LHFPL3: variants seen among roughly 807,000 people sequenced by gnomAD.
LHFPL3 encodes LHFPL tetraspan subfamily member 3, also known as LHFPL tetraspan subfamily member 3 protein.
A neutral mutation model predicts 19.3 loss-of-function variants in LHFPL3; 5 were observed. That is an observed-to-expected ratio of 0.26 (90% confidence interval 0.14 to 0.54). LHFPL3 has a LOEUF of 0.54. Among genes scored for constraint, LHFPL3 ranks in the 20% least tolerant of loss-of-function variants. LHFPL3 has a pLI of 0.94. For missense variants in LHFPL3, 249 were observed against 307.4 expected (o/e 0.81, Z 1.42); for synonymous variants, 133 against 126.2 (o/e 1.05, Z -0.36).
chr7:104,655,259 C>T (rs1391924734), intron 1 of LHFPL3, among the ~76,000 whole-genome samples: 1 of 152,126 alleles, frequency 6.6e-6, no homozygotes, highest in Non-Finnish European at 1.5e-5. Flanking sequence ...TACATATTGT[C>T]TCCTCTAACT....
intron 1 of LHFPL3, among the ~76,000 whole-genome samples, chr7:104,495,630 G>A (rs575736613): frequency 1.6e-4 from 25 of 152,178 alleles, no homozygotes; most frequent in African/African-American, 6.0e-4. Context: ...TGATCTGCCC[G>A]CCTTGGCCTC....
At chr7:104,458,294 A>G (rs1354340274) in intron 1 of LHFPL3, among the ~76,000 whole-genome samples, 2 of 152,178 alleles carry the variant, frequency 1.3e-5, no homozygotes, top group African/African-American at 2.4e-5. Flanking sequence ...ATTTTTGTAC[A>G]AGGTGTAAGG....
intron 1 of LHFPL3, among the ~76,000 whole-genome samples, chr7:104,579,324 T>C (rs1425698973): frequency 6.6e-6 from 1 of 152,182 alleles, no homozygotes; most frequent in African/African-American, 2.4e-5. Context: ...CCCTCCTCTC[T>C]TTTGGAATCC....
At chr7:104,472,868 A>G (rs941111741) in intron 1 of LHFPL3, among the ~76,000 whole-genome samples, 2 of 152,172 alleles carry the variant, frequency 1.3e-5, no homozygotes, top group Admixed American at 6.5e-5. Flanking sequence ...TAGAAATGCA[A>G]TTTTATCATA....
chr7:104,773,648 A>G (rs1352019415), intron 2 of LHFPL3, among the ~76,000 whole-genome samples: 1 of 152,246 alleles, frequency 6.6e-6, no homozygotes, highest in Admixed American at 6.5e-5. Flanking sequence ...AGATGCAGTC[A>G]CACTGCAGTA....
intron 1 of LHFPL3, among the ~76,000 whole-genome samples, chr7:104,608,366 AATC>A (rs1366866740): frequency 1.5e-4 from 23 of 151,872 alleles, no homozygotes; most frequent in Non-Finnish European, 2.8e-4. Flanking sequence ...TGAAATTGGA[AATC>A]ATCATTCTCA....
chr7:104,733,432 A>G (rs1331695785), intron 1 of LHFPL3, among the ~76,000 whole-genome samples: 1 of 152,182 alleles, frequency 6.6e-6, no homozygotes, highest in African/African-American at 2.4e-5. Context: ...TATATTTAGG[A>G]TAGTTAGCTC....
intron 1 of LHFPL3, among the ~76,000 whole-genome samples, chr7:104,637,559 A>G (rs1309155648): frequency 6.6e-6 from 1 of 152,108 alleles, no homozygotes; most frequent in Non-Finnish European, 1.5e-5. Flanking sequence ...ATTTTTGCTT[A>G]TGGAGTACGG....
chr7:104,360,066 G>T (rs372865750), intron 1 of LHFPL3, among the ~76,000 whole-genome samples: 1 of 152,202 alleles, frequency 6.6e-6, no homozygotes, highest in African/African-American at 2.4e-5. Flanking sequence ...GACACTTTCC[G>T]TTGCACCATG....
chr7:104,365,378 T>C (rs1002439651), intron 1 of LHFPL3, among the ~76,000 whole-genome samples: 2 of 151,618 alleles, frequency 1.3e-5, no homozygotes, highest in African/African-American at 4.8e-5. Context: ...CCATCCTGAA[T>C]AGGGATGCTT....
chr7:104,667,686 A>G (rs978035792), intron 1 of LHFPL3: 24 of 1,199,176 alleles, frequency 2.0e-5, no homozygotes, highest in Non-Finnish European at 2.1e-5. Context: ...GCCATTATAC[A>G]TGCAATTTAC....
chr7:104,394,377 G>A (rs1403724408), intron 1 of LHFPL3, among the ~76,000 whole-genome samples: 1 of 151,840 alleles, frequency 6.6e-6, no homozygotes, highest in Non-Finnish European at 1.5e-5. Flanking sequence ...AATTAATGGT[G>A]GTATAATTTA....
intron 1 of LHFPL3, among the ~76,000 whole-genome samples, chr7:104,601,026 A>G (rs1442747636): frequency 6.6e-6 from 1 of 152,224 alleles, no homozygotes; most frequent in African/African-American, 2.4e-5. Flanking sequence ...TTTACTGGCA[A>G]TGGAGCCAAT....
chr7:104,516,775 C>A (rs1193373853), intron 1 of LHFPL3, among the ~76,000 whole-genome samples: 1 of 152,006 alleles, frequency 6.6e-6, no homozygotes, highest in Non-Finnish European at 1.5e-5. Flanking sequence ...TACCATTAGA[C>A]CCAATAATCC....
chr7:104,329,731 C>G (rs1394909245), intron 1 of LHFPL3, among the ~76,000 whole-genome samples: 1 of 152,186 alleles, frequency 6.6e-6, no homozygotes, highest in Non-Finnish European at 1.5e-5. Context: ...TGGAGTGATA[C>G]TGTTTCTTTC....
At chr7:104,795,623 C>G (rs894950116) in intron 2 of LHFPL3, among the ~76,000 whole-genome samples, 2 of 152,160 alleles carry the variant, frequency 1.3e-5, no homozygotes, top group Non-Finnish European at 1.5e-5. Flanking sequence ...CCAGAAATCT[C>G]TCTGGAATCA....
chr7:104,695,642 C>A lies in LHFPL3; in HGVS notation c.446-41033C>A, dbSNP rs550142920. On this transcript the variant is annotated intron_variant, in intron 1 of 2. Coordinates refer to ENST00000424859, the MANE Select transcript of LHFPL3 (RefSeq NM_199000.3). ...ATACATTGTTTTTTCTGGGTGAGGT[C>A]CATGCAGATGAAATAGGGTGACAAG... is the stretch of plus-strand genomic sequence containing the variant. Among the ~76,000 whole-genome samples, 11 of 152,204 alleles carry A rather than the reference C, an allele frequency of 7.2e-5. No homozygotes were observed. In the South Asian group the frequency reaches 2.3e-3, roughly 32 times the overall value.
intron 2 of LHFPL3, among the ~76,000 whole-genome samples, chr7:104,782,871 C>T (rs1043457871): frequency 6.6e-6 from 1 of 152,260 alleles, no homozygotes; most frequent in Non-Finnish European, 1.5e-5. Flanking sequence ...TTGTACATTC[C>T]GTTCCCTTTG....
At chr7:104,408,778 G>A (rs1490223518) in intron 1 of LHFPL3, among the ~76,000 whole-genome samples, 10 of 151,960 alleles carry the variant, frequency 6.6e-5, no homozygotes, top group Admixed American at 5.9e-4. Flanking sequence ...AATGAGTACC[G>A]TGATAGACTA....
Sources: gnomAD v4.1 joint callset for allele counts (sites outside exome capture counted in the v4.1 genomes callset) on GRCh38, gnomAD v4.1.1 for gene constraint, MANE v1.5 for transcripts, NCBI Gene and HGNC (gene_info 2026-07-23, HGNC 2026-07-21) for gene names.